Variants in KIAA1549 observed in about 807,000 individuals in gnomAD.
KIAA1549 encodes the protein UPF0606 protein KIAA1549.
In KIAA1549, 70 loss-of-function variants were observed where a neutral mutation model predicts 156.4. The observed-to-expected ratio is 0.45, with a 90% CI of 0.37 to 0.55. The LOEUF is 0.55. Ranked by LOEUF, KIAA1549 falls within the 20% of genes least tolerant of loss-of-function variation. KIAA1549 has a pLI of 0.00. For missense variants in KIAA1549, 2,428 were observed against 2,540.9 expected (o/e 0.96, Z 0.96); for synonymous variants, 1,103 against 1,066.4 (o/e 1.03, Z -0.67).
rs117471969 is a variant in KIAA1549 at position 138,954,761 on chromosome 7, G to A, written c.187+26322C>T. ...CAGAGTGACTGAAGCTTCCAGAGAA[G>A]GGTGCTTGTGCAGGAACTGCAGGAA... On this transcript the variant is annotated intron_variant, in intron 1 of 19. Coordinates refer to ENST00000422774, the MANE Select transcript of KIAA1549 (RefSeq NM_001164665.2). Among the ~76,000 whole-genome samples the A allele has an allele frequency of 7.8e-4, 119 of 152,326 alleles. 1 individual carries two copies. The East Asian group carries it at 0.023, about 29-fold the overall frequency.
chr7:138,894,943 T>A (rs1421498142), intron 9 of KIAA1549, among the ~76,000 whole-genome samples: 3 of 152,176 alleles, frequency 2.0e-5, no homozygotes, highest in Non-Finnish European at 2.9e-5. Context: ...CAGAACATAA[T>A]CCTGCCCGCT....
At chr7:138,858,310 G>A (rs1810453511) in intron 16 of KIAA1549, among the ~76,000 whole-genome samples, 1 of 151,848 alleles carries the variant, frequency 6.6e-6, no homozygotes, top group Non-Finnish European at 1.5e-5. Flanking sequence ...TGCCCAGGTT[G>A]GTCTCAAACT....
At chr7:138,970,961 A>T (rs1438020277) in intron 1 of KIAA1549, among the ~76,000 whole-genome samples, 4 of 76 alleles carry the variant, frequency 0.053, no homozygotes, top group Non-Finnish European at 0.087. Context: ...CAAAGAAGAA[A>T]GAAGTGACAG....
At chr7:138,951,055 G>GT (rs1402086783) in intron 1 of KIAA1549, among the ~76,000 whole-genome samples, 2 of 151,606 alleles carry the variant, frequency 1.3e-5, no homozygotes, top group East Asian at 1.9e-4. Flanking sequence ...CTCTCTTCTG[G>GT]TTTTTTTGTT....
At chr7:138,913,890 A>C (rs1159071430) in intron 2 of KIAA1549, among the ~76,000 whole-genome samples, 4 of 151,484 alleles carry the variant, frequency 2.6e-5, no homozygotes, top group Non-Finnish European at 5.9e-5. Context: ...GCCTTATTTA[A>C]GGAAGGAAAT....
chr7:138,876,979 C>A (rs1811102707), intron 12 of KIAA1549, among the ~76,000 whole-genome samples: 1 of 152,114 alleles, frequency 6.6e-6, no homozygotes, highest in Admixed American at 6.5e-5. Context: ...AAGGTGGGTC[C>A]TTAATATGCC....
chr7:138,844,548 A>T (rs1810019320), intron 17 of KIAA1549, 74 bp from the exon 18 acceptor site: 1 of 1,332,182 alleles, frequency 7.5e-7, no homozygotes, highest in Non-Finnish European at 9.9e-7. Context: ...GTCCACCCCC[A>T]ACCTTACAGA....
intron 1 of KIAA1549, among the ~76,000 whole-genome samples, chr7:138,965,213 C>T (rs763636495): frequency 1.8e-4 from 27 of 152,030 alleles, no homozygotes; most frequent in African/African-American, 2.7e-4. Flanking sequence ...CTGTGTCGAT[C>T]GTATCTGAGA....
chr7:138,888,478 C>T (rs1209452949), intron 10 of KIAA1549, among the ~76,000 whole-genome samples: 1 of 152,128 alleles, frequency 6.6e-6, no homozygotes, highest in Non-Finnish European at 1.5e-5. Flanking sequence ...ATTTGTTGTC[C>T]CTGTGTACTT....
At chr7:138,842,290 C>G (rs565833579) in intron 18 of KIAA1549, among the ~76,000 whole-genome samples, 6 of 152,316 alleles carry the variant, frequency 3.9e-5, no homozygotes, top group African/African-American at 1.4e-4. Flanking sequence ...CCCAGCAAGC[C>G]GGGGTTTGCA....
chr7:138,955,471 G>A (rs1813635236), intron 1 of KIAA1549, among the ~76,000 whole-genome samples: 1 of 152,200 alleles, frequency 6.6e-6, no homozygotes, highest in African/African-American at 2.4e-5. Flanking sequence ...GGGGATAGGG[G>A]AGAGGGGAAA....
Position 138,844,343 on chromosome 7 carries a change from C to T in KIAA1549, c.5426G>A (p.Arg1809Gln), listed in dbSNP as rs368163898. 1.7e-4 allele frequency: 268 copies of T among 1,613,782 alleles called. No individual in the cohort carries two copies. The highest frequency in any genetic ancestry group is 2.1e-4 in the Non-Finnish European group (247 of 1,179,876). Residue 1809 changes from arginine (R) to glutamine (Q), a missense_variant, in exon 18 of 20, where the codon CGG (arginine) becomes CAG (glutamine). By Grantham distance (43) the Arg-to-Gln change is conservative. Transcript: ENST00000422774. ...IYSEEMPSVA[R>Q]PRPVGGTTGS... ...TGTGGTACCCCCGACAGGCCGAGGC[C>T]GGGCCACCGACGGCATCTCCTCCGA...
intron 1 of KIAA1549, among the ~76,000 whole-genome samples, chr7:138,928,979 A>C (rs1812797878): frequency 6.6e-6 from 1 of 152,228 alleles, no homozygotes; most frequent in Non-Finnish European, 1.5e-5. Context: ...CAATTGTCTA[A>C]GCCTTCAGCG....
rs1046931951 is a variant in KIAA1549 at position 138,864,920 on chromosome 7, G to A, written c.4929+3055C>T. ...TGATATCAAGCCAACAAATGGGTGC[G>A]GTTGTGTTGCAATAAAACTCTATTT... On this transcript the variant is annotated intron_variant, in intron 15 of 19. Transcript: ENST00000422774. 5.9e-5 allele frequency among the ~76,000 whole-genome samples: 9 copies of A among 152,272 alleles called. No homozygotes were observed. The South Asian group carries it at 1.0e-3, about 18-fold the overall frequency.
At chr7:138,927,424 G>A (rs1298413963) in intron 1 of KIAA1549, among the ~76,000 whole-genome samples, 2 of 152,230 alleles carry the variant, frequency 1.3e-5, no homozygotes, top group Non-Finnish European at 1.5e-5. Flanking sequence ...CAGATCACAA[G>A]GTCAAGAGAT....
chr7:138,867,424 A>T (rs980300456), intron 15 of KIAA1549, among the ~76,000 whole-genome samples: 1 of 152,016 alleles, frequency 6.6e-6, no homozygotes, highest in Non-Finnish European at 1.5e-5. Flanking sequence ...GCATGGTGGC[A>T]TATGCCTATG....
chr7:138,853,413 C>T (rs1163620043), intron 16 of KIAA1549, among the ~76,000 whole-genome samples: 1 of 152,162 alleles, frequency 6.6e-6, no homozygotes, highest in Non-Finnish European at 1.5e-5. Context: ...ACTCCAAAGA[C>T]CATGCTTCTC....
chr7:138,862,337 C>CA (rs1370694952), intron 15 of KIAA1549, among the ~76,000 whole-genome samples: 2 of 151,666 alleles, frequency 1.3e-5, no homozygotes, highest in Non-Finnish European at 2.9e-5. Context: ...CCCATCTTTA[C>CA]AAAAAATTGC....
intron 17 of KIAA1549, among the ~76,000 whole-genome samples, chr7:138,849,700 C>A (rs7781206): frequency 0.71 from 108,460 of 151,748 alleles, 39,095 homozygotes; most frequent in East Asian, 0.9. Flanking sequence ...ATTTTTTCTG[C>A]TCCTCTCCCT....
Sources: gnomAD v4.1 joint callset for allele counts (sites outside exome capture counted in the v4.1 genomes callset) on GRCh38, gnomAD v4.1.1 for gene constraint, MANE v1.5 for transcripts, NCBI Gene and HGNC (gene_info 2026-07-23, HGNC 2026-07-21) for gene names.